MYBL2: variants seen among roughly 807,000 people sequenced by gnomAD.
MYBL2 encodes myb-related protein B.
Under a neutral mutation model 79.9 loss-of-function variants are expected in MYBL2, and 28 were observed. That is an observed-to-expected ratio of 0.35 (90% CI 0.26 to 0.48). The LOEUF (loss-of-function observed/expected upper bound fraction) is 0.48. MYBL2 is among the 20% of genes least tolerant of loss of function. MYBL2 has a pLI of 0.99. For synonymous variants in MYBL2, 378 were observed against 361.2 expected, an observed-to-expected ratio of 1.05 and a Z score of -0.53; for missense variants, 735 against 893.9, an observed-to-expected ratio of 0.82 and a Z score of 2.27.
At chr20:43,674,049 TCTC>T in intron 2 of MYBL2, 150 bp downstream of exon 2, 1 of 714,094 alleles carries the variant, frequency 1.4e-6, no homozygotes, top group Non-Finnish European at 2.4e-6. Context: ...TCATGCCTCT[TCTC>T]AGAGCATTCT....
intron 6 of MYBL2, among the ~76,000 whole-genome samples, chr20:43,697,528 C>A (rs1987572513): frequency 6.6e-6 from 1 of 151,846 alleles, no homozygotes; most frequent in South Asian, 2.1e-4. Flanking sequence ...TGAGAATCAC[C>A]TGAACCTGGG....
chr20:43,668,974 CTG>C (rs1316982705), intron 1 of MYBL2, among the ~76,000 whole-genome samples: 3 of 152,200 alleles, frequency 2.0e-5, no homozygotes, highest in Non-Finnish European at 4.4e-5. Flanking sequence ...TCAAGGAATT[CTG>C]TCTCAGCCTC....
chr20:43,677,683 G>C (rs1310698861), intron 2 of MYBL2, among the ~76,000 whole-genome samples: 3 of 150,706 alleles, frequency 2.0e-5, no homozygotes, highest in Non-Finnish European at 4.4e-5. Flanking sequence ...AGGGAGGTGG[G>C]GGGGTCAGCC....
chr20:43,695,114 A>G (rs1371364588), intron 6 of MYBL2, among the ~76,000 whole-genome samples: 1 of 150,488 alleles, frequency 6.6e-6, no homozygotes, highest in Non-Finnish European at 1.5e-5. Context: ...GCTTGCTGCA[A>G]CCTCCACCTC....
chr20:43,697,783 C>T (rs946505991), intron 6 of MYBL2, among the ~76,000 whole-genome samples: 3 of 150,056 alleles, frequency 2.0e-5, no homozygotes, highest in Non-Finnish European at 3.0e-5. Context: ...GTCATGGTGG[C>T]GGGCACCTGT....
At chr20:43,682,509 A>G (rs2145714532) in intron 3 of MYBL2, among the ~76,000 whole-genome samples, 1 of 152,344 alleles carries the variant, frequency 6.6e-6, no homozygotes, top group Non-Finnish European at 1.5e-5. Flanking sequence ...GGGGTCCCTG[A>G]CGTACAAGGA....
At chr20:43,697,914 C>CAAAA (rs58049554) in intron 6 of MYBL2, among the ~76,000 whole-genome samples, 4 of 99,544 alleles carry the variant, frequency 4.0e-5, no homozygotes, top group African/African-American at 1.4e-4. Context: ...GACTCCATCT[C>CAAAA]AAAAAAAAAA....
chr20:43,686,711 G>A, intron 4 of MYBL2, 141 bp from the exon 5 acceptor site: 2 of 770,652 alleles, frequency 2.6e-6, no homozygotes, highest in Non-Finnish European at 4.2e-6. Flanking sequence ...GGCATCCCCT[G>A]CAGCTCGCTC....
At position 43,702,776 on chromosome 20, in the gene MYBL2, A is replaced by G. The variant is rs1407842722; in HGVS notation, c.1238A>G (p.Gln413Arg). The G allele has an allele frequency of 5.0e-6, 8 of 1,614,100 alleles. No individual in the cohort carries two copies. The highest frequency in any genetic ancestry group is 1.3e-5 in the African/African-American group (1 of 74,942). The change falls in exon 8 of 14, where the codon CAG (glutamine) becomes CGG (arginine). Residue 413 changes from glutamine (Q) to arginine (R), a missense_variant. Transcript: ENST00000217026. ...IGTPPSVLKR[Q>R]RKRRVALSPV... ...ACACCGCCCTCTGTGCTCAAGCGGC[A>G]GAGGAAGAGGCGTGTGGCTCTGTCC...
chr20:43,687,235 G>A (rs1422885803), intron 5 of MYBL2, among the ~76,000 whole-genome samples, 163 bp downstream of exon 5: 1 of 152,202 alleles, frequency 6.6e-6, no homozygotes, highest in Non-Finnish European at 1.5e-5. Context: ...AGGAGGAAGG[G>A]TGGTTCCCCA....
chr20:43,685,360 T>G (rs931109493), intron 4 of MYBL2, among the ~76,000 whole-genome samples: 4 of 151,350 alleles, frequency 2.6e-5, no homozygotes, highest in African/African-American at 9.7e-5. Flanking sequence ...TTTGCATTTT[T>G]AGTAGAGACG....
At chr20:43,672,038 T>C (rs1212118738) in intron 1 of MYBL2, among the ~76,000 whole-genome samples, 2 of 151,216 alleles carry the variant, frequency 1.3e-5, no homozygotes, top group East Asian at 3.9e-4. Context: ...TGAAACCCTG[T>C]ATCTGCTAAA....
At chr20:43,712,938 C>T (rs1169469950) in intron 11 of MYBL2, 64 bp from the exon 12 acceptor site, 11 of 1,296,318 alleles carry the variant, frequency 8.5e-6, no homozygotes, top group Admixed American at 7.8e-5. Flanking sequence ...CCATGACCAT[C>T]CAGGTGCTGA....
At position 43,674,224 on chromosome 20, in the gene MYBL2, T is replaced by TA. The variant is rs1555809907; in HGVS notation, c.114+325_114+326insA. 2.9e-3 allele frequency among the ~76,000 whole-genome samples: 166 copies of TA among 58,224 alleles called. 7 individuals are homozygous for TA. The highest frequency in any genetic ancestry group is 8.0e-3 in the African/African-American group (151 of 18,882). The allele number at this position is 58,224 out of a possible 152,430, so 38.2% of individuals were successfully genotyped here. On this transcript the variant is annotated intron_variant, in intron 2 of 13. Transcript: ENST00000217026. The stretch of plus-strand genomic sequence containing the variant: ...TAGGAGGTTTGGCCAAATCTGTAAC[T>TA]CCCCCCACCCTTTTTTTTTTTTTTT...
At chr20:43,681,436 G>A (rs1987140361) in intron 2 of MYBL2, among the ~76,000 whole-genome samples, 1 of 152,166 alleles carries the variant, frequency 6.6e-6, no homozygotes, top group African/African-American at 2.4e-5. Context: ...AAATCATCTT[G>A]GATCTGTTTT....
intron 1 of MYBL2, 34 bp downstream of exon 1, chr20:43,667,337 C>T: frequency 8.2e-7 from 1 of 1,223,656 alleles, no homozygotes; most frequent in East Asian, 3.2e-5. Context: ...GGCCCCTCCC[C>T]CTCCCTTTAA....
chr20:43,703,199 C>G (rs1987711295), intron 8 of MYBL2, among the ~76,000 whole-genome samples: 1 of 152,156 alleles, frequency 6.6e-6, no homozygotes, highest in African/African-American at 2.4e-5. Flanking sequence ...CGTGTTTGTT[C>G]AGTCCACGTA....
rs1425689921 is a variant in MYBL2, at chr20:43,705,254, G to A, written c.1401G>A (p.Glu467=). ...TCTGGAACAAACAGGACACATTGGAGCTGGAGAGCCCCTCGCTGACATCCA... is the reference window on the plus strand; with the variant it reads ...TCTGGAACAAACAGGACACATTGGAACTGGAGAGCCCCTCGCTGACATCCA... The part of the protein sequence containing the change: ...LNFWNKQDTL[E]LESPSLTSTP... The change falls in exon 9 of 14, where the codon GAG becomes GAA. Residue 467 remains glutamate, a synonymous_variant. Coordinates refer to ENST00000217026, the MANE Select transcript of MYBL2 (RefSeq NM_002466.4). 6.2e-7 allele frequency: 1 copy of A among 1,614,048 alleles called. No homozygotes were observed. The highest frequency in any genetic ancestry group is 1.3e-5 in the African/African-American group (1 of 75,052).
chr20:43,689,898 G>T lies in MYBL2; in HGVS notation c.501-2259G>T, dbSNP rs143821925. Among the ~76,000 whole-genome samples, 17 of 152,304 alleles carry T rather than the reference G, an allele frequency of 1.1e-4. No individual in the cohort carries two copies. The East Asian group carries it at 3.3e-3, about 30-fold the overall frequency. ...GGTCTTGGGGAGTGGGAGGGCTGGG[G>T]AGGTGTTTTGGGTCAGGTTCCCTGG... On this transcript the variant is annotated intron_variant, in intron 5 of 13. Coordinates refer to ENST00000217026, the MANE Select transcript of MYBL2 (RefSeq NM_002466.4).
Sources: allele counts gnomAD v4.1 joint callset (sites outside exome capture counted in the v4.1 genomes callset), GRCh38; gene constraint gnomAD v4.1.1; transcripts MANE v1.5; gene names NCBI Gene and HGNC (gene_info 2026-07-23, HGNC 2026-07-21).